SGMS1: variants seen among roughly 807,000 people sequenced by gnomAD.
SGMS1 encodes sphingomyelin synthase 1.
A neutral mutation model predicts 46.2 loss-of-function variants in SGMS1; 13 were observed. The ratio of observed to expected loss-of-function variants is 0.28; its 90% confidence interval spans 0.18 to 0.45. The LOEUF (loss-of-function observed/expected upper bound fraction) is 0.45, where lower values mean the gene tolerates loss of function less well. Among genes scored for constraint, SGMS1 ranks in the 20% least tolerant of loss-of-function variants. The probability of loss-of-function intolerance (pLI) is 1.00; values close to 1 mark genes in which losing one functional copy is unlikely to be tolerated. For missense variants in SGMS1, 324 were observed against 519.9 expected (o/e 0.62, Z 3.66); for synonymous variants, 203 against 187.8 (o/e 1.08, Z -0.66).
chr10:50,464,791 T>A (rs1376024293), intron 4 of SGMS1, among the ~76,000 whole-genome samples: 1 of 151,936 alleles, frequency 6.6e-6, no homozygotes, highest in East Asian at 1.9e-4. Flanking sequence ...AACTGTAAGA[T>A]GATAAATTTG....
At chr10:50,383,890 A>C (rs997806750) in intron 6 of SGMS1, among the ~76,000 whole-genome samples, 2 of 152,220 alleles carry the variant, frequency 1.3e-5, no homozygotes, top group African/African-American at 4.8e-5. Context: ...GCTATAAAGC[A>C]TAGCAGTTAA....
At chr10:50,382,692 C>G (rs915403804) in intron 6 of SGMS1, among the ~76,000 whole-genome samples, 2 of 151,912 alleles carry the variant, frequency 1.3e-5, no homozygotes, top group East Asian at 3.9e-4. Context: ...AGCGAGCTGA[C>G]AGACTAAATT....
intron 2 of SGMS1, among the ~76,000 whole-genome samples, chr10:50,573,376 G>A (rs1838352412): frequency 6.6e-6 from 1 of 152,112 alleles, no homozygotes; most frequent in Admixed American, 6.6e-5. Flanking sequence ...AAAACAATGA[G>A]TTGTGTTTCT....
intron 5 of SGMS1, among the ~76,000 whole-genome samples, chr10:50,436,575 T>G (rs1433342791): frequency 6.6e-6 from 1 of 152,194 alleles, no homozygotes; most frequent in Non-Finnish European, 1.5e-5. Flanking sequence ...TGGCTGTGAT[T>G]GTTACAAGCC....
chr10:50,528,794 A>AGGCTGC (rs1356436090), intron 2 of SGMS1, among the ~76,000 whole-genome samples: 3 of 152,182 alleles, frequency 2.0e-5, no homozygotes, highest in African/African-American at 7.2e-5. Flanking sequence ...CAGGAGGCTG[A>AGGCTGC]GGCTGCAATG....
intron 2 of SGMS1, among the ~76,000 whole-genome samples, chr10:50,528,809 A>G (rs1837927552): frequency 6.6e-6 from 1 of 151,744 alleles, no homozygotes; most frequent in South Asian, 2.1e-4. Context: ...GCAATGAGCC[A>G]TGATTGCAAC....
intron 6 of SGMS1, among the ~76,000 whole-genome samples, chr10:50,393,277 C>A (rs1848801850): frequency 6.6e-6 from 1 of 152,136 alleles, no homozygotes; most frequent in Non-Finnish European, 1.5e-5. Context: ...TATCCACTAG[C>A]CCTTTCCTCA....
intron 6 of SGMS1, among the ~76,000 whole-genome samples, chr10:50,427,972 T>TGA (rs922822313): frequency 4.4e-5 from 5 of 114,290 alleles, no homozygotes; most frequent in Admixed American, 3.5e-4. Flanking sequence ...TGCGTGTGAA[T>TGA]GAGAGAGAGA....
At chr10:50,391,407 G>A (rs575952046) in intron 6 of SGMS1, among the ~76,000 whole-genome samples, 2 of 152,184 alleles carry the variant, frequency 1.3e-5, no homozygotes, top group South Asian at 4.2e-4. Context: ...CAGCCAATAA[G>A]CATATGGAAA....
chr10:50,412,735 A>T (rs990077950), intron 6 of SGMS1, among the ~76,000 whole-genome samples: 1 of 152,278 alleles, frequency 6.6e-6, no homozygotes, highest in African/African-American at 2.4e-5. Context: ...ATTAAAAAAT[A>T]GAATTACACT....
rs1349802590 is a variant in SGMS1, at chr10:50,343,759, G to A, written c.356C>T (p.Pro119Leu). The A allele has an allele frequency of 1.2e-6, 2 of 1,614,008 alleles. No homozygotes were observed. Among genetic ancestry groups the A allele is most frequent in the Non-Finnish European group, 1.7e-6 (2 of 1,180,042 alleles). Reference protein sequence around the residue: ...NGYRKEMIKIPMPELERSQYP... With the variant: ...NGYRKEMIKILMPELERSQYP... The stretch of plus-strand genomic sequence containing the variant: ...CTGAGAGCGCTCCAGTTCTGGCATG[G>A]GGATCTTTATCATCTCTTTCCTATA... The change falls in exon 7 of 11, where the codon CCC (proline) becomes CTC (leucine). Residue 119 changes from proline (P) to leucine (L), a missense_variant. This residue lies in a region of SGMS1 where 150 missense variants were observed against 169.8 expected (regional missense o/e 0.88). Coordinates refer to ENST00000361781, the MANE Select transcript of SGMS1 (RefSeq NM_147156.4).
chr10:50,592,860 A>C (rs1838554825), intron 1 of SGMS1, among the ~76,000 whole-genome samples: 1 of 142,958 alleles, frequency 7.0e-6, no homozygotes, highest in Non-Finnish European at 1.6e-5. Context: ...AAAAATGTTT[A>C]CTGTGAAATA....
chr10:50,367,370 T>G (rs1284777046), intron 6 of SGMS1, among the ~76,000 whole-genome samples: 1 of 152,262 alleles, frequency 6.6e-6, no homozygotes, highest in Non-Finnish European at 1.5e-5. Context: ...CTTATTTAGA[T>G]AGCTACAAAA....
intron 8 of SGMS1, among the ~76,000 whole-genome samples, chr10:50,323,531 G>A (rs1847482020): frequency 6.6e-6 from 1 of 152,146 alleles, no homozygotes; most frequent in Admixed American, 6.5e-5. Flanking sequence ...CATATCCACA[G>A]CTTTAACCAC....
chr10:50,329,967 A>G (rs1474242734), intron 7 of SGMS1, among the ~76,000 whole-genome samples: 1 of 152,230 alleles, frequency 6.6e-6, no homozygotes, highest in Non-Finnish European at 1.5e-5. Context: ...ATTTGATTAT[A>G]AGGAAATATG....
intron 8 of SGMS1, among the ~76,000 whole-genome samples, chr10:50,322,488 A>G (rs1469599607): frequency 6.6e-6 from 1 of 152,222 alleles, no homozygotes; most frequent in Non-Finnish European, 1.5e-5. Context: ...AGAATTCTCA[A>G]ATATTCTGCC....
At chr10:50,407,247 C>T (rs79969934) in intron 6 of SGMS1, among the ~76,000 whole-genome samples, 2,280 of 152,090 alleles carry the variant, frequency 0.015, 62 homozygotes, top group African/African-American at 0.052. Context: ...TAGAATGTGC[C>T]GATAAAAATC....
upstream of SGMS1, chr10:50,624,719 T>C (rs1838902979): frequency 6.1e-6 from 6 of 985,270 alleles, no homozygotes; most frequent in South Asian, 2.8e-4. Context: ...AAGGAAGGTT[T>C]TCCTCTGCTC....
chr10:50,567,601 G>A (rs185947304), intron 2 of SGMS1, among the ~76,000 whole-genome samples: 16 of 152,270 alleles, frequency 1.1e-4, no homozygotes, highest in East Asian at 1.9e-4. Context: ...CGGGGCAGGC[G>A]GCTCTCCAGT....
Sources: allele counts gnomAD v4.1 joint callset (sites outside exome capture counted in the v4.1 genomes callset), GRCh38; gene constraint gnomAD v4.1.1; regional missense constraint gnomAD v4.1.1; transcripts MANE v1.5; gene names NCBI Gene and HGNC (gene_info 2026-07-23, HGNC 2026-07-21).